The following DTNA variants were observed in gnomAD, a reference collection of about 807,000 sequenced individuals.
DTNA encodes dystrophin-related protein 3.
DTNA carries 43 observed loss-of-function variants against 100.7 expected under a neutral mutation model. That is an observed-to-expected ratio of 0.43 (90% CI 0.33 to 0.55). The LOEUF (loss-of-function observed/expected upper bound fraction) is 0.55, where lower values mean the gene tolerates loss of function less well. DTNA is among the 20% of genes least tolerant of loss of function. DTNA has a pLI of 0.04. For missense variants in DTNA, 798 were observed against 953.9 expected (o/e 0.84, Z 2.15); for synonymous variants, 349 against 347.9 (o/e 1.00, Z -0.04).
chr18:34,887,053 C>T (rs993931159), intron 22 of DTNA, among the ~76,000 whole-genome samples: 2 of 152,122 alleles, frequency 1.3e-5, no homozygotes, highest in Admixed American at 6.5e-5. Context: ...GTTAGCCATC[C>T]GCCAAGGCAG....
chr18:34,846,588 C>T (rs987470170), intron 13 of DTNA, among the ~76,000 whole-genome samples: 3 of 151,888 alleles, frequency 2.0e-5, no homozygotes, highest in Non-Finnish European at 2.9e-5. Context: ...CATATTAAAA[C>T]AGCTATAGCT....
At chr18:34,848,645 C>G (rs1482772230) in intron 14 of DTNA, among the ~76,000 whole-genome samples, 3 of 152,048 alleles carry the variant, frequency 2.0e-5, no homozygotes, top group African/African-American at 7.2e-5. Context: ...CATTCAGTGT[C>G]AACCCCATAT....
At chr18:34,519,840 A>T (rs1461217679) in intron 1 of DTNA, among the ~76,000 whole-genome samples, 2 of 152,184 alleles carry the variant, frequency 1.3e-5, no homozygotes, top group Non-Finnish European at 2.9e-5. Context: ...GAACACTGTG[A>T]TCTAAGAAGG....
rs939567073 is a variant in DTNA, at chr18:34,786,713, C to A, written c.149-7324C>A. On this transcript the variant is annotated intron_variant, in intron 3 of 22. Coordinates refer to ENST00000444659, the MANE Select transcript of DTNA (RefSeq NM_001386795.1). Reference sequence around the variant, plus strand: ...CAGATCAACAGATTATATCCAATTTCCAGCATAACTACAATTTCCTGTTCT... The same window carrying A: ...CAGATCAACAGATTATATCCAATTTACAGCATAACTACAATTTCCTGTTCT... Among the ~76,000 whole-genome samples, 3 of 152,128 alleles carry A rather than the reference C, an allele frequency of 2.0e-5. No individual in the cohort carries two copies. The East Asian group carries it at 5.8e-4, about 29-fold the overall frequency.
In DTNA at chr18:34,873,984, G is replaced by A. The variant is rs548194141; in HGVS notation, c.1744-1255G>A. 2.6e-5 allele frequency among the ~76,000 whole-genome samples: 4 copies of A among 152,286 alleles called. No individual in the cohort carries two copies. In the East Asian group the frequency reaches 7.7e-4, roughly 29 times the overall value. On this transcript the variant is annotated intron_variant, in intron 17 of 22. Transcript: ENST00000444659. ...ACCCTCAGCCCATTGGGCACCCCAT[G>A]GGTTATTTTCTGTGCTCTGTTCTGT...
chr18:34,592,964 G>A (rs2049909684), intron 1 of DTNA, among the ~76,000 whole-genome samples: 1 of 152,148 alleles, frequency 6.6e-6, no homozygotes, highest in African/African-American at 2.4e-5. Context: ...AACTTGAGCT[G>A]CCTTGCTTTC....
At chr18:34,630,597 G>A (rs1223703408) in intron 1 of DTNA, among the ~76,000 whole-genome samples, 1 of 152,070 alleles carries the variant, frequency 6.6e-6, no homozygotes, top group Non-Finnish European at 1.5e-5. Flanking sequence ...GATAGAGGCA[G>A]TAGCACAGGA....
At chr18:34,728,274 A>T (rs1286013790) in intron 1 of DTNA, among the ~76,000 whole-genome samples, 1 of 152,204 alleles carries the variant, frequency 6.6e-6, no homozygotes, top group Non-Finnish European at 1.5e-5. Flanking sequence ...ATTTTGACAA[A>T]GAAAGGACAA....
rs756146461 is a variant in DTNA at position 34,818,282 on chromosome 18, C to A, written c.828C>A (p.Ala276=). The change falls in exon 8 of 23, where the codon GCC becomes GCA. Residue 276 remains alanine, a synonymous_variant. Transcript: ENST00000444659. Reference sequence around the variant, plus strand: ...AGGACTGCTTCTGGAGGGGACATGCCGGTGGTTCTCATAGCAACCAGCACC... The same window carrying A: ...AGGACTGCTTCTGGAGGGGACATGCAGGTGGTTCTCATAGCAACCAGCACC... The part of the protein sequence containing the change: ...LCQDCFWRGH[A]GGSHSNQHQM... 3.1e-6 allele frequency: 5 copies of A among 1,613,884 alleles called. No homozygotes were observed. The highest frequency in any genetic ancestry group is 4.2e-6 in the Non-Finnish European group (5 of 1,179,966).
At chr18:34,621,043 G>T (rs2056400543) in intron 1 of DTNA, among the ~76,000 whole-genome samples, 1 of 151,566 alleles carries the variant, frequency 6.6e-6, no homozygotes, top group Non-Finnish European at 1.5e-5. Context: ...AGGGAAAATT[G>T]GTAGATAGAA....
chr18:34,607,338 G>A (rs2053336267), intron 1 of DTNA, among the ~76,000 whole-genome samples: 1 of 152,244 alleles, frequency 6.6e-6, no homozygotes, highest in South Asian at 2.1e-4. Flanking sequence ...TTTTAAAGAA[G>A]GCAAGAATAC....
intron 1 of DTNA, among the ~76,000 whole-genome samples, chr18:34,564,056 A>G (rs931766073): frequency 6.6e-6 from 1 of 152,128 alleles, no homozygotes; most frequent in Non-Finnish European, 1.5e-5. Flanking sequence ...TACAGTCACT[A>G]TGCTGTACAT....
At chr18:34,780,821 G>A (rs2094286535) in intron 3 of DTNA, among the ~76,000 whole-genome samples, 1 of 152,172 alleles carries the variant, frequency 6.6e-6, no homozygotes, top group Non-Finnish European at 1.5e-5. Context: ...AGGAAGGGAG[G>A]AAAGCTGATA....
chr18:34,607,384 T>C (rs2053349363), intron 1 of DTNA, among the ~76,000 whole-genome samples: 1 of 152,210 alleles, frequency 6.6e-6, no homozygotes, highest in South Asian at 2.1e-4. Flanking sequence ...AATAGTCTGC[T>C]CATAAAATGT....
chr18:34,691,083 C>A (rs866394671), intron 1 of DTNA, among the ~76,000 whole-genome samples: 2 of 152,176 alleles, frequency 1.3e-5, no homozygotes, highest in Non-Finnish European at 2.9e-5. Flanking sequence ...GTAAAATAAT[C>A]ACCAAGTAAT....
intron 4 of DTNA, among the ~76,000 whole-genome samples, chr18:34,795,792 C>A (rs1160262400): frequency 6.6e-6 from 1 of 152,110 alleles, no homozygotes; most frequent in African/African-American, 2.4e-5. Flanking sequence ...GACCAGAAAC[C>A]AGACTAACAA....
intron 1 of DTNA, among the ~76,000 whole-genome samples, chr18:34,515,617 G>T (rs1179297985): frequency 6.6e-6 from 1 of 152,062 alleles, no homozygotes; most frequent in Non-Finnish European, 1.5e-5. Flanking sequence ...TGTTTTAATA[G>T]GATGGTGCTG....
At chr18:34,798,346 C>T (rs2095070673) in intron 4 of DTNA, among the ~76,000 whole-genome samples, 2 of 152,070 alleles carry the variant, frequency 1.3e-5, no homozygotes, top group Admixed American at 6.5e-5. Flanking sequence ...TCCTTGATCT[C>T]CAATATATTA....
intron 1 of DTNA, among the ~76,000 whole-genome samples, chr18:34,559,897 T>C (rs1259944603): frequency 2.0e-5 from 3 of 152,236 alleles, no homozygotes; most frequent in Non-Finnish European, 4.4e-5. Flanking sequence ...ACACAAATTA[T>C]GAAGTGCTTG....
Sources: allele counts gnomAD v4.1 joint callset (sites outside exome capture counted in the v4.1 genomes callset), GRCh38; gene constraint gnomAD v4.1.1; transcripts MANE v1.5; gene names NCBI Gene and HGNC (gene_info 2026-07-23, HGNC 2026-07-21).